ITIH2: variants seen among roughly 807,000 people sequenced by gnomAD.
ITIH2 encodes inter-alpha-trypsin inhibitor heavy chain H2.
Under a neutral mutation model 104.4 loss-of-function variants are expected in ITIH2, and 103 were observed. That is an observed-to-expected ratio of 0.99 (90% CI 0.84 to 1.16). The LOEUF (loss-of-function observed/expected upper bound fraction) is 1.16, where lower values mean the gene tolerates loss of function less well. Among genes scored for constraint, ITIH2 ranks in the 50% most tolerant of loss-of-function variants. ITIH2 has a pLI of 0.00. For missense variants in ITIH2, 1,108 were observed against 1,162.4 expected, an observed-to-expected ratio of 0.95 and a Z score of 0.68; for synonymous variants, 436 against 435.4, an observed-to-expected ratio of 1.00 and a Z score of -0.02.
At chr10:7,723,639 C>A in intron 9 of ITIH2, 72 bp downstream of exon 9, 2 of 936,260 alleles carry the variant, frequency 2.1e-6, no homozygotes, top group Non-Finnish European at 1.8e-6. Flanking sequence ...AAAATGCAAT[C>A]ATTCTATCCC....
chr10:7,708,465 T>C (rs1189707541), intron 3 of ITIH2, among the ~76,000 whole-genome samples: 1 of 152,230 alleles, frequency 6.6e-6, no homozygotes, highest in Non-Finnish European at 1.5e-5. Flanking sequence ...ACTGTTCTCC[T>C]AGCTTGTTTT....
At position 7,703,474 on chromosome 10, in the gene ITIH2, T is replaced by C. The variant is rs763341525; in HGVS notation, c.40T>C (p.Ser14Pro). 5.6e-6 allele frequency: 9 copies of C among 1,614,044 alleles called. No individual in the cohort carries two copies. The South Asian group carries it at 9.9e-5, about 18-fold the overall frequency. ...GTGCTTTTTCATCTGCTTCTTTCTT[T>C]CTGAAGTATCAGGCTTCGAAATCCC... ...LTCFFICFFL[S>P]EVSGFEIPIN... Residue 14 changes from serine to proline, a missense_variant, in exon 1 of 21, where the codon TCT becomes CCT. Ser to Pro is a moderately conservative substitution (Grantham distance 74). Transcript: ENST00000358415.
rs1166564319 is a variant in ITIH2, at chr10:7,721,732, G to A, written c.822G>A (p.Val274=). Residue 274 remains valine, a synonymous_variant, in exon 8 of 21, where the codon GTG becomes GTA. Coordinates refer to ENST00000358415, the MANE Select transcript of ITIH2 (RefSeq NM_002216.3). ...CRETAVDGEL[V]VLYDVKREEK... ...AGACTGCGGTAGATGGGGAACTGGT[G>A]GTGCTGTATGACGTGAAAAGAGAAG... The A allele has an allele frequency of 1.5e-5, 24 of 1,613,944 alleles. No homozygotes were observed. The Middle Eastern group carries it at 9.9e-4, about 67-fold the overall frequency.
Position 7,731,837 on chromosome 10 carries a change from AT to A in ITIH2, c.1490del (p.Leu497CysfsTer45). 6.2e-7 allele frequency: 1 copy of A among 1,611,286 alleles called. No homozygotes were observed. The highest frequency in any genetic ancestry group is 8.5e-7 in the Non-Finnish European group (1 of 1,178,654). ...AATTCTACAACCAGGTCTCCACTCC[AT>A]TGCTCCGGAATGTTCAGTTCAACTA... The part of the protein sequence containing the change: ...KKFYNQVSTP[L>X]LRNVQFNYPH... On this transcript the variant is annotated frameshift_variant, in exon 13 of 21. Transcript: ENST00000358415. LOFTEE classifies it high-confidence loss of function.
intron 1 of ITIH2, among the ~76,000 whole-genome samples, chr10:7,703,868 C>T (rs78402266): frequency 0.026 from 3,908 of 152,250 alleles, 72 homozygotes; most frequent in South Asian, 0.053. Flanking sequence ...TCTAGCAGAG[C>T]GCCTGGACTA....
rs776769627 is a variant in ITIH2, at chr10:7,707,239, T to C, written c.192+6T>C. 3 of 1,593,916 alleles carry C rather than the reference T, an allele frequency of 1.9e-6. No homozygotes were observed. Among genetic ancestry groups the C allele is most frequent in the East Asian group, 2.2e-5 (1 of 44,784 alleles). On this transcript the variant is annotated splice_donor_region_variant and intron_variant, in intron 3 of 20. Coordinates refer to ENST00000358415, the MANE Select transcript of ITIH2 (RefSeq NM_002216.3). ...GAGAATCGGAAGAAATGATGGTAAG[T>C]TGACTTGATGTTGTTACAGATTGAA...
intron 18 of ITIH2, 60 bp downstream of exon 18, chr10:7,744,340 C>G: frequency 7.4e-7 from 1 of 1,345,228 alleles, no homozygotes; most frequent in East Asian, 2.3e-5. Context: ...ATAAATAAAT[C>G]CAGGCATCAG....
intron 17 of ITIH2, 81 bp from the exon 18 acceptor site, chr10:7,744,001 T>C: frequency 9.8e-7 from 1 of 1,017,096 alleles, no homozygotes; most frequent in Non-Finnish European, 1.4e-6. Context: ...TTGCCAAGTT[T>C]TTATAAATTT....
Position 7,743,259 on chromosome 10 carries a change from GGT to G in ITIH2, c.2209+1_2209+2del. On this transcript the variant is annotated splice_donor_variant, in intron 17 of 20. Coordinates refer to ENST00000358415, the MANE Select transcript of ITIH2 (RefSeq NM_002216.3). LOFTEE classifies it high-confidence loss of function. Reference sequence around the variant, plus strand: ...CAACCTGGTTTCTGACCCAGAATCAGGTAAAATAAAAATAAATTATATTTGCA... The same window carrying G: ...CAACCTGGTTTCTGACCCAGAATCAGAAAATAAAAATAAATTATATTTGCA... The G allele has an allele frequency of 6.7e-7, 1 of 1,483,992 alleles. No homozygotes were observed. The highest frequency in any genetic ancestry group is 9.3e-7 in the Non-Finnish European group (1 of 1,076,796). The allele number at this position is 1,483,992 out of a possible 1,614,324, so 91.9% of individuals were successfully genotyped here. A position where few individuals can be genotyped will look rare whatever the true frequency, so the allele number is the denominator to read the frequency against.
At chr10:7,730,664 AT>A (rs1409903229) in intron 12 of ITIH2, among the ~76,000 whole-genome samples, 1 of 152,126 alleles carries the variant, frequency 6.6e-6, no homozygotes, top group East Asian at 1.9e-4. Context: ...TCAACAGATA[AT>A]TTTTTTAATT....
chr10:7,737,681 C>A lies in ITIH2; in HGVS notation c.1958-940C>A, dbSNP rs866988350. On this transcript the variant is annotated intron_variant, in intron 15 of 20. Transcript: ENST00000358415. ...TATTCTATATTATATTCTATATTTT[C>A]TATATTATATTCTATATAATATTCT... Among the ~76,000 whole-genome samples, 219 of 22,422 alleles carry A rather than the reference C, an allele frequency of 9.8e-3. 32 individuals are homozygous for A. Among genetic ancestry groups the A allele is most frequent in the African/African-American group, 0.013 (63 of 4,690 alleles). The allele number at this position is 22,422 out of a possible 152,430, so 14.7% of individuals were successfully genotyped here.
Position 7,744,267 on chromosome 10 carries a change from G to A in ITIH2, c.2395G>A (p.Val799Ile), listed in dbSNP as rs770483514. 1 of 1,613,914 alleles carries A rather than the reference G, an allele frequency of 6.2e-7. No homozygotes were observed. Among genetic ancestry groups the A allele is most frequent in the Admixed American group, 1.7e-5 (1 of 59,996 alleles). ...CTTGTCCTGGTCCGACACGGCTCAA[G>A]TCACGAATCAGAGGCAAGTATGATT... is the stretch of plus-strand genomic sequence containing the variant. ...FSLSWSDTAQ[V>I]TNQRVQISVK... The change falls in exon 18 of 21, where the codon GTC (valine) becomes ATC (isoleucine). Residue 799 changes from valine to isoleucine, a missense_variant. Transcript: ENST00000358415.
chr10:7,710,842 A>C (rs1834790787), intron 4 of ITIH2, among the ~76,000 whole-genome samples: 1 of 152,202 alleles, frequency 6.6e-6, no homozygotes, highest in Admixed American at 6.5e-5. Flanking sequence ...ATGACATTGA[A>C]AACTATTTTA....
intron 16 of ITIH2, among the ~76,000 whole-genome samples, chr10:7,742,333 T>G (rs3802589): frequency 0.029 from 4,408 of 152,234 alleles, 176 homozygotes; most frequent in East Asian, 0.2. Context: ...AGGAGTACTT[T>G]CTTGGGAGTA....
rs755248758 is a variant in ITIH2, at chr10:7,749,211, G to C, written c.2718G>C (p.Thr906=). The C allele has an allele frequency of 1.1e-5, 17 of 1,614,000 alleles. No homozygotes were observed. The East Asian group carries it at 3.8e-4, about 36-fold the overall frequency. ...GGGGCTTACAGAAAGACTACAGAACGGATCTAGTGTTTGGAACGGACGTTA... is the reference window on the plus strand; with the variant it reads ...GGGGCTTACAGAAAGACTACAGAACCGATCTAGTGTTTGGAACGGACGTTA... ...ITRGLQKDYR[T]DLVFGTDVTC... Residue 906 remains threonine (T), a synonymous_variant, in exon 21 of 21, where the codon ACG becomes ACC. Coordinates refer to ENST00000358415, the MANE Select transcript of ITIH2 (RefSeq NM_002216.3).
At position 7,717,762 on chromosome 10, in the gene ITIH2, C is replaced by A; in HGVS notation, c.604C>A (p.Pro202Thr). 6.2e-7 allele frequency: 1 copy of A among 1,611,468 alleles called. No individual in the cohort carries two copies. Among genetic ancestry groups the A allele is most frequent in the South Asian group, 1.1e-5 (1 of 90,988 alleles). The change falls in exon 6 of 21, where the codon CCT (proline) becomes ACT (threonine). Residue 202 changes from proline to threonine, a missense_variant. Physicochemically the swap from Pro to Thr is conservative, Grantham distance 38. Coordinates refer to ENST00000358415, the MANE Select transcript of ITIH2 (RefSeq NM_002216.3). ...CTATGAGCACAGGATCTATCTGCAA[C>A]CTGGACGGCTGGCCAAACACTTAGA... ...GSYEHRIYLQ[P>T]GRLAKHLEVD...
chr10:7,735,143 G>A lies in ITIH2; in HGVS notation c.1957+52G>A, dbSNP rs774630653. On this transcript the variant is annotated intron_variant, in intron 15 of 20. Transcript: ENST00000358415. ...TGGCCAGGCAGCTCTCTTGCCCCGG[G>A]GGTGGGCGAAGTCCTAGTGCCTCCG... 13 of 1,522,650 alleles carry A rather than the reference G, an allele frequency of 8.5e-6. No homozygotes were observed. In the Admixed American group the frequency reaches 2.4e-4, roughly 28 times the overall value. The allele number at this position is 1,522,650 out of a possible 1,614,324, so 94.3% of individuals were successfully genotyped here.
intron 15 of ITIH2, among the ~76,000 whole-genome samples, chr10:7,735,484 G>A (rs1047800365): frequency 5.9e-5 from 9 of 151,914 alleles, no homozygotes; most frequent in African/African-American, 9.7e-5. Context: ...AGGATCTCTC[G>A]AGCCCAGGAG....
intron 6 of ITIH2, 52 bp downstream of exon 6, chr10:7,717,840 G>T: frequency 6.5e-7 from 1 of 1,545,116 alleles, no homozygotes; most frequent in South Asian, 1.1e-5. Context: ...TATAGTCTCT[G>T]ACCCTGATTT....
Sources: gnomAD v4.1 joint callset for allele counts (sites outside exome capture counted in the v4.1 genomes callset) on GRCh38, gnomAD v4.1.1 for gene constraint, MANE v1.5 for transcripts, NCBI Gene and HGNC (gene_info 2026-07-23, HGNC 2026-07-21) for gene names.